PICALM: variants seen among roughly 807,000 people sequenced by gnomAD.
PICALM encodes phosphatidylinositol-binding clathrin assembly protein.
PICALM carries 40 observed loss-of-function variants against 80.5 expected under a neutral mutation model. That is an observed-to-expected ratio of 0.50 (90% CI 0.39 to 0.65). The LOEUF is 0.65. Among genes scored for constraint, PICALM ranks in the 30% least tolerant of loss-of-function variants. The probability of loss-of-function intolerance (pLI) is 0.00; values close to 1 mark genes in which losing one functional copy is unlikely to be tolerated. For missense variants in PICALM, 676 were observed against 778.9 expected (o/e 0.87, Z 1.57); for synonymous variants, 288 against 260.3 (o/e 1.11, Z -1.02).
intron 19 of PICALM, among the ~76,000 whole-genome samples, chr11:85,970,770 T>G (rs2094080730): frequency 6.6e-6 from 1 of 152,142 alleles, no homozygotes; most frequent in South Asian, 2.1e-4. Flanking sequence ...ACCACTGCCC[T>G]CCAGCCTGGG....
At chr11:86,006,006 A>G (rs2095268212) in intron 8 of PICALM, among the ~76,000 whole-genome samples, 1 of 152,234 alleles carries the variant, frequency 6.6e-6, no homozygotes, top group Non-Finnish European at 1.5e-5. Context: ...ACATACACAG[A>G]TACATGATGA....
At chr11:86,068,356 G>GA (rs1162918141) in intron 1 of PICALM, among the ~76,000 whole-genome samples, 1 of 152,192 alleles carries the variant, frequency 6.6e-6, no homozygotes, top group African/African-American at 2.4e-5. Flanking sequence ...GCCAGGTGGG[G>GA]AAGCAAGTTG....
chr11:86,002,398 T>C (rs1438672582), intron 9 of PICALM, among the ~76,000 whole-genome samples: 1 of 152,224 alleles, frequency 6.6e-6, no homozygotes, highest in Non-Finnish European at 1.5e-5. Flanking sequence ...TTCTTCATGC[T>C]GTTTTAAAAA....
chr11:86,003,995 C>T (rs1262665771), intron 8 of PICALM, among the ~76,000 whole-genome samples: 1 of 152,138 alleles, frequency 6.6e-6, no homozygotes, highest in Non-Finnish European at 1.5e-5. Flanking sequence ...TCATATATCA[C>T]TAGTAGGAGT....
intron 17 of PICALM, 77 bp from the exon 18 acceptor site, chr11:85,976,759 TA>T: frequency 2.4e-6 from 2 of 818,916 alleles, no homozygotes; most frequent in Non-Finnish European, 4.2e-6. Context: ...TTAGTAGCTG[TA>T]GTTCCACTAA....
At chr11:86,062,019 T>C (rs544255457) in intron 1 of PICALM, among the ~76,000 whole-genome samples, 14 of 152,178 alleles carry the variant, frequency 9.2e-5, no homozygotes, top group African/African-American at 2.9e-4. Flanking sequence ...GAAAAGGCTA[T>C]AGACTGTATG....
chr11:86,068,868 AC>A lies in PICALM; in HGVS notation c.-89del. The stretch of plus-strand genomic sequence containing the variant: ...CCGGAGGGTCCCCACCCCCCACCGC[AC>A]CCCCTACCCCCACCGGCTCCTTCCC... On this transcript the variant is annotated 5_prime_UTR_variant, in exon 1 of 20. Transcript: ENST00000393346. 1 of 1,381,552 alleles carries A rather than the reference AC, an allele frequency of 7.2e-7. No individual in the cohort carries two copies. Among genetic ancestry groups the A allele is most frequent in the Non-Finnish European group, 9.4e-7 (1 of 1,062,336 alleles). The allele number at this position is 1,381,552 out of a possible 1,614,324, so 85.6% of individuals were successfully genotyped here.
At chr11:85,971,877 G>C (rs531180378) in intron 19 of PICALM, among the ~76,000 whole-genome samples, 2 of 152,208 alleles carry the variant, frequency 1.3e-5, no homozygotes, top group Non-Finnish European at 2.9e-5. Context: ...CTGCCTCCCT[G>C]GTTCAAGCAA....
At chr11:85,974,501 T>C (rs1252985312) in intron 19 of PICALM, 1 of 682,370 alleles carries the variant, frequency 1.5e-6, no homozygotes, top group Non-Finnish European at 2.7e-6. Context: ...ATTTTCTGTC[T>C]TTAGTATTTG....
intron 1 of PICALM, among the ~76,000 whole-genome samples, chr11:86,067,493 G>A (rs937133359): frequency 2.6e-5 from 4 of 152,162 alleles, no homozygotes; most frequent in African/African-American, 7.2e-5. Context: ...TGACTTCCAG[G>A]TTAGAAAAAA....
intron 4 of PICALM, among the ~76,000 whole-genome samples, chr11:86,017,397 T>A (rs1291456859): frequency 1.3e-5 from 2 of 152,122 alleles, no homozygotes; most frequent in African/African-American, 2.4e-5. Context: ...ATGAAGATAA[T>A]GATTTTGATC....
intron 13 of PICALM, among the ~76,000 whole-genome samples, chr11:85,989,629 C>T (rs1324178893): frequency 6.6e-6 from 1 of 152,038 alleles, no homozygotes; most frequent in African/African-American, 2.4e-5. Context: ...GAAATTCTGC[C>T]TTTTTATACT....
chr11:86,013,976 C>T (rs906426312), intron 5 of PICALM, among the ~76,000 whole-genome samples: 5 of 152,152 alleles, frequency 3.3e-5, no homozygotes, highest in Non-Finnish European at 7.3e-5. Context: ...TTACAAAATA[C>T]CATTTAATTA....
intron 1 of PICALM, among the ~76,000 whole-genome samples, chr11:86,034,456 T>G (rs921587366): frequency 3.3e-5 from 5 of 152,216 alleles, no homozygotes; most frequent in African/African-American, 1.2e-4. Context: ...GGACTCTCAA[T>G]AGTTAACTGC....
chr11:86,038,717 T>A (rs1593220577), intron 1 of PICALM, among the ~76,000 whole-genome samples: 1 of 46,594 alleles, frequency 2.1e-5, no homozygotes. Flanking sequence ...GAGGCGGAGG[T>A]TGCGAGCTGA....
At chr11:85,981,520 C>A (rs909381209) in intron 16 of PICALM, among the ~76,000 whole-genome samples, 3 of 151,546 alleles carry the variant, frequency 2.0e-5, no homozygotes, top group Non-Finnish European at 2.9e-5. Context: ...GGCAGAAGAA[C>A]GGCGTGAATC....
intron 3 of PICALM, chr11:86,023,677 C>G: frequency 4.3e-6 from 2 of 467,686 alleles, no homozygotes; most frequent in Non-Finnish European, 5.6e-6. Flanking sequence ...GCCTAGAGCA[C>G]TGCTCTGCAT....
chr11:86,035,267 T>G (rs1310092768), intron 1 of PICALM, among the ~76,000 whole-genome samples: 2 of 152,122 alleles, frequency 1.3e-5, no homozygotes, highest in Non-Finnish European at 2.9e-5. Flanking sequence ...CCTATATAGA[T>G]TTCCCCAGGC....
chr11:86,038,739 G>C (rs988222363), intron 1 of PICALM, among the ~76,000 whole-genome samples: 1 of 148,026 alleles, frequency 6.8e-6, no homozygotes, highest in African/African-American at 2.5e-5. Flanking sequence ...ATCACACCAC[G>C]GCACTCCAGC....
Sources: allele counts gnomAD v4.1 joint callset (sites outside exome capture counted in the v4.1 genomes callset), GRCh38; gene constraint gnomAD v4.1.1; transcripts MANE v1.5; gene names NCBI Gene and HGNC (gene_info 2026-07-23, HGNC 2026-07-21).